The following DLGAP2 variants were observed in gnomAD, a reference collection of about 807,000 sequenced individuals.
DLGAP2 encodes DLG associated protein 2, also known as disks large-associated protein 2.
DLGAP2 carries 26 observed loss-of-function variants against 100.3 expected under a neutral mutation model. The ratio of observed to expected loss-of-function variants is 0.26; its 90% confidence interval spans 0.19 to 0.36. The LOEUF (loss-of-function observed/expected upper bound fraction) is 0.36. Ranked by LOEUF, DLGAP2 falls within the 10% of genes least tolerant of loss-of-function variation. The pLI is 1.00. For missense variants in DLGAP2, 1,858 were observed against 1,453.2 expected, an observed-to-expected ratio of 1.28 and a Z score of -4.53; for synonymous variants, 886 against 630.1, an observed-to-expected ratio of 1.41 and a Z score of -6.08.
chr8:1,654,675 A>AAG (rs1194980888), intron 8 of DLGAP2, among the ~76,000 whole-genome samples: 1 of 152,070 alleles, frequency 6.6e-6, no homozygotes, highest in Non-Finnish European at 1.5e-5. Context: ...AAAAAAAAAA[A>AAG]AAAAGAATTG....
intron 3 of DLGAP2, among the ~76,000 whole-genome samples, chr8:1,415,119 C>T (rs1271740500): frequency 2.6e-5 from 4 of 152,364 alleles, no homozygotes; most frequent in African/African-American, 9.6e-5. Flanking sequence ...CATGTGCACA[C>T]ATGCATACAA....
At chr8:1,052,026 G>A (rs1802729297) in intron 2 of DLGAP2, among the ~76,000 whole-genome samples, 1 of 152,190 alleles carries the variant, frequency 6.6e-6, no homozygotes, top group Non-Finnish European at 1.5e-5. Context: ...CAAGGATGCA[G>A]AGGGAGAAAC....
At chr8:1,368,269 GGTATGTGT>G (rs1226858011) in intron 3 of DLGAP2, among the ~76,000 whole-genome samples, 1 of 151,846 alleles carries the variant, frequency 6.6e-6, no homozygotes, top group African/African-American at 2.4e-5. Context: ...CGTGTGTGCA[GGTATGTGT>G]GTATGTGTGT....
At chr8:1,070,967 C>T (rs1803409954) in intron 2 of DLGAP2, among the ~76,000 whole-genome samples, 1 of 152,210 alleles carries the variant, frequency 6.6e-6, no homozygotes, top group Admixed American at 6.5e-5. Context: ...GTTCCGATGG[C>T]TGCTTTTCCA....
At chr8:1,675,266 C>G (rs974470525) in intron 10 of DLGAP2, among the ~76,000 whole-genome samples, 6 of 152,240 alleles carry the variant, frequency 3.9e-5, no homozygotes, top group African/African-American at 1.4e-4. Context: ...GCACCCGGCT[C>G]TGGGGTCAGA....
chr8:833,075 G>C (rs1387038346), intron 1 of DLGAP2, among the ~76,000 whole-genome samples: 1 of 152,218 alleles, frequency 6.6e-6, no homozygotes, highest in African/African-American at 2.4e-5. Flanking sequence ...CCCATGAGCA[G>C]CACTGGGGTT....
intron 2 of DLGAP2, among the ~76,000 whole-genome samples, chr8:1,245,662 T>A (rs930385544): frequency 6.6e-5 from 10 of 152,240 alleles, no homozygotes; most frequent in African/African-American, 2.4e-4. Context: ...ATTGTGGGGA[T>A]GGCTGCACAG....
At chr8:1,485,652 G>A (rs1194542216) in intron 3 of DLGAP2, among the ~76,000 whole-genome samples, 1 of 152,224 alleles carries the variant, frequency 6.6e-6, no homozygotes, top group Non-Finnish European at 1.5e-5. Flanking sequence ...TGGGAAGACA[G>A]GTGTGGTCTG....
chr8:831,266 A>G (rs2132701642), intron 1 of DLGAP2, among the ~76,000 whole-genome samples: 1 of 145,834 alleles, frequency 6.9e-6, no homozygotes, highest in South Asian at 2.2e-4. Context: ...CACAACATGC[A>G]GGTTTGTTAC....
At chr8:979,348 C>A (rs1005442503) in intron 2 of DLGAP2, among the ~76,000 whole-genome samples, 4 of 152,156 alleles carry the variant, frequency 2.6e-5, no homozygotes, top group South Asian at 2.1e-4. Context: ...ATATCCACCC[C>A]ACAAGGGAGA....
chr8:836,926 C>T (rs1014941291), intron 1 of DLGAP2, among the ~76,000 whole-genome samples: 2 of 152,242 alleles, frequency 1.3e-5, no homozygotes, highest in African/African-American at 4.8e-5. Flanking sequence ...ATGCACACAC[C>T]TGCTGCTGTT....
At chr8:1,339,303 A>C (rs1001979705) in intron 3 of DLGAP2, among the ~76,000 whole-genome samples, 1 of 151,586 alleles carries the variant, frequency 6.6e-6, no homozygotes, top group South Asian at 2.1e-4. Flanking sequence ...GTGAGGCATC[A>C]GGACCCGGGA....
At chr8:941,343 G>A (rs1799190798) in intron 2 of DLGAP2, among the ~76,000 whole-genome samples, 1 of 152,076 alleles carries the variant, frequency 6.6e-6, no homozygotes, top group Admixed American at 6.5e-5. Flanking sequence ...AAGGTGAGAT[G>A]TACCAGGGTC....
intron 6 of DLGAP2, among the ~76,000 whole-genome samples, chr8:1,606,396 C>T (rs556478929): frequency 2.0e-5 from 3 of 152,192 alleles, no homozygotes; most frequent in African/African-American, 4.8e-5. Flanking sequence ...AACCCTGTAC[C>T]GTCACTCCCC....
At chr8:1,128,482 G>A (rs1285457652) in intron 2 of DLGAP2, among the ~76,000 whole-genome samples, 1 of 152,230 alleles carries the variant, frequency 6.6e-6, no homozygotes, top group Admixed American at 6.5e-5. Context: ...TCGCCACTGT[G>A]TTCCAGCTGC....
intron 7 of DLGAP2, 103 bp downstream of exon 7, chr8:1,626,990 A>T: frequency 1.4e-6 from 2 of 1,411,614 alleles, no homozygotes; most frequent in Non-Finnish European, 1.9e-6. Context: ...CCTCCTGGTC[A>T]GCAGCACTTG....
intron 1 of DLGAP2, among the ~76,000 whole-genome samples, chr8:848,789 G>T (rs572268131): frequency 6.8e-6 from 1 of 148,138 alleles, no homozygotes; most frequent in South Asian, 2.2e-4. Flanking sequence ...GGGTCGTGCG[G>T]TGCGTGTTCC....
chr8:1,099,257 T>C (rs1804501008), intron 2 of DLGAP2, among the ~76,000 whole-genome samples: 1 of 152,160 alleles, frequency 6.6e-6, no homozygotes, highest in Non-Finnish European at 1.5e-5. Flanking sequence ...TTCTGAGAGT[T>C]AATATTTCTG....
At position 1,206,537 on chromosome 8, in the gene DLGAP2, T is replaced by C. The variant is rs1420080534; in HGVS notation, c.74-52314T>C. Among the ~76,000 whole-genome samples the C allele has an allele frequency of 2.6e-3, 379 of 144,852 alleles. 10 individuals carry two copies. The highest frequency in any genetic ancestry group is 5.9e-3 in the African/African-American group (230 of 39,164). On this transcript the variant is annotated intron_variant, in intron 2 of 14. Coordinates refer to ENST00000637795, the MANE Select transcript of DLGAP2 (RefSeq NM_001346810.2). Reference sequence around the variant, plus strand: ...ATCTCCAGCCATCCGTGGACTGGGGTAGACTGTGAGCGGTTAATCTCCAGC... The same window carrying C: ...ATCTCCAGCCATCCGTGGACTGGGGCAGACTGTGAGCGGTTAATCTCCAGC...
Sources: gnomAD v4.1 joint callset for allele counts (sites outside exome capture counted in the v4.1 genomes callset) on GRCh38, gnomAD v4.1.1 for gene constraint, MANE v1.5 for transcripts, NCBI Gene and HGNC (gene_info 2026-07-23, HGNC 2026-07-21) for gene names.